The following KCNQ1 variants were observed in gnomAD, a reference collection of about 807,000 sequenced individuals.
KCNQ1 encodes the protein potassium voltage-gated channel subfamily KQT member 1.
A neutral mutation model predicts 72.4 loss-of-function variants in KCNQ1; 49 were observed. That is an observed-to-expected ratio of 0.68 (90% confidence interval 0.54 to 0.86). The LOEUF (loss-of-function observed/expected upper bound fraction) is 0.86, where lower values mean the gene tolerates loss of function less well. Among genes scored for constraint, KCNQ1 ranks in the 40% least tolerant of loss-of-function variants. KCNQ1 has a pLI of 0.00. For synonymous variants in KCNQ1, 450 were observed against 412.6 expected (o/e 1.09, Z -1.10); for missense variants, 790 against 945.1 (o/e 0.84, Z 2.15).
rs1172955374 is a variant in KCNQ1, at chr11:2,814,264, AGGATGGATGGATGGTGGGAT to A, written c.1795-33488_1795-33469del. Among the ~76,000 whole-genome samples the A allele has an allele frequency of 1.9e-4, 29 of 150,436 alleles. No individual in the cohort carries two copies. The East Asian group carries it at 5.9e-3, about 31-fold the overall frequency. On this transcript the variant is annotated intron_variant, in intron 15 of 15. Transcript: ENST00000155840. ...GATAGAGGGAAGGAGGGCTGAATAAAGGATGGATGGATGGTGGGATGGATGGATGGATGGATGGATAGATG... is the reference window on the plus strand; with the variant it reads ...GATAGAGGGAAGGAGGGCTGAATAAAGGATGGATGGATGGATGGATAGATG...
At chr11:2,688,270 C>T (rs1850526363) in intron 11 of KCNQ1, 1 of 398,730 alleles carries the variant, frequency 2.5e-6, no homozygotes, top group East Asian at 3.6e-5. Flanking sequence ...GGCGCCATGA[C>T]CTCTGTTTAG....
rs1410195306 is a variant in KCNQ1, at chr11:2,670,694, G to A, written c.1514+8613G>A. ...GGCAGTGTAGCAGTAACAAGACAAA[G>A]GGATTCTGTGGCCCATGGAGCAGGA... On this transcript the variant is annotated intron_variant, in intron 11 of 15. Coordinates refer to ENST00000155840, the MANE Select transcript of KCNQ1 (RefSeq NM_000218.3). This position sits in a 1 kb window ranked among gnomAD's most constrained non-coding sequence, Gnocchi z 4.9. 4 of 398,540 alleles carry A rather than the reference G, an allele frequency of 1.0e-5. No individual in the cohort carries two copies. Among genetic ancestry groups the A allele is most frequent in the African/African-American group, 8.2e-5 (4 of 48,620 alleles). 24.7% of individuals were successfully genotyped at this position (398,540 alleles called of 1,614,324 possible).
At position 2,579,043 on chromosome 11, in the gene KCNQ1, G is replaced by A. The variant is rs907588992; in HGVS notation, c.922-4392G>A. On this transcript the variant is annotated intron_variant, in intron 6 of 15. Coordinates refer to ENST00000155840, the MANE Select transcript of KCNQ1 (RefSeq NM_000218.3). This position sits in a 1 kb window ranked among gnomAD's most constrained non-coding sequence, Gnocchi z 6.0. ...TGACCACCCCTTCCTCTGGACAGACGACCACCACATCTCCAGCCAGGACCA... is the reference window on the plus strand; with the variant it reads ...TGACCACCCCTTCCTCTGGACAGACAACCACCACATCTCCAGCCAGGACCA... 2.6e-5 allele frequency among the ~76,000 whole-genome samples: 4 copies of A among 152,036 alleles called. No homozygotes were observed. The highest frequency in any genetic ancestry group is 1.3e-4 in the Admixed American group (2 of 15,274).
At chr11:2,793,173 C>T (rs1036678090) in intron 15 of KCNQ1, among the ~76,000 whole-genome samples, 2 of 152,226 alleles carry the variant, frequency 1.3e-5, no homozygotes, top group African/African-American at 4.8e-5. Context: ...TCAGGCAGGG[C>T]CCGCCTGGGT....
rs1453404416 is a variant in KCNQ1, at chr11:2,471,750, G to A, written c.386+26266G>A. On this transcript the variant is annotated intron_variant, in intron 1 of 15. Coordinates refer to ENST00000155840, the MANE Select transcript of KCNQ1 (RefSeq NM_000218.3). The surrounding 1 kb of genome is among the most constrained non-coding windows in gnomAD (Gnocchi z 4.8). ...GGCGTGTGTATGTGTGCATGGGCGT[G>A]TGTGTACTTGTGTATGGGTGTGTGC... 6.6e-6 allele frequency among the ~76,000 whole-genome samples: 1 copy of A among 150,640 alleles called. No individual in the cohort carries two copies. Among genetic ancestry groups the A allele is most frequent in the Non-Finnish European group, 1.5e-5 (1 of 67,952 alleles).
intron 10 of KCNQ1, chr11:2,618,097 A>G: frequency 2.5e-6 from 1 of 398,532 alleles, no homozygotes; most frequent in Non-Finnish European, 4.4e-6. Context: ...CCAAAAAATC[A>G]CTGCCAGAGC....
chr11:2,616,211 TTTC>T (rs893434478), intron 10 of KCNQ1: 22 of 397,558 alleles, frequency 5.5e-5, no homozygotes, highest in Non-Finnish European at 9.3e-5. Flanking sequence ...TTTGTTTTTT[TTTC>T]TTATTTTTGT....
chr11:2,800,596 G>T (rs1847243144), intron 15 of KCNQ1, among the ~76,000 whole-genome samples: 1 of 152,242 alleles, frequency 6.6e-6, no homozygotes, highest in African/African-American at 2.4e-5. Context: ...CAGAACCGGG[G>T]GCCAGAGCAG....
rs1173276991 is a variant in KCNQ1, at chr11:2,703,046, C to T, written c.1514+40965C>T. Reference sequence around the variant, plus strand: ...TTGTCTCGTCGGGCGACAAGAGACACGTGGGAATTGGCTAGAGAAGCATGT... The same window carrying T: ...TTGTCTCGTCGGGCGACAAGAGACATGTGGGAATTGGCTAGAGAAGCATGT... On this transcript the variant is annotated intron_variant, in intron 11 of 15. Transcript: ENST00000155840. This position sits in a 1 kb window ranked among gnomAD's most constrained non-coding sequence, Gnocchi z 6.4. 3.9e-5 allele frequency among the ~76,000 whole-genome samples: 6 copies of T among 152,218 alleles called. No homozygotes were observed. The Middle Eastern group carries it at 0.01, about 259-fold the overall frequency.
intron 15 of KCNQ1, among the ~76,000 whole-genome samples, chr11:2,839,317 C>G (rs946345935): frequency 5.3e-5 from 8 of 152,230 alleles, no homozygotes; most frequent in African/African-American, 1.9e-4. Flanking sequence ...CCCCCTGGCT[C>G]TGCCACTGAC....
At chr11:2,801,649 T>C (rs752457900) in intron 15 of KCNQ1, among the ~76,000 whole-genome samples, 3 of 152,190 alleles carry the variant, frequency 2.0e-5, no homozygotes, top group Non-Finnish European at 4.4e-5. Context: ...CACAGTCACA[T>C]TGGGGATTAG....
At chr11:2,610,010 ATATTATTATTGATAT>A (rs1848952897) in intron 10 of KCNQ1, 1 of 397,806 alleles carries the variant, frequency 2.5e-6, no homozygotes, top group Non-Finnish European at 4.4e-6. Context: ...TTCACATTTA[ATATTATTATTGATAT>A]AATTAGATTT....
At chr11:2,635,105 CA>C (rs1849437681) in intron 10 of KCNQ1, 2 of 152,104 alleles carry the variant, frequency 1.3e-5, no homozygotes, top group Admixed American at 1.3e-4. Flanking sequence ...GAGTAGATTG[CA>C]AAAAATTTCT....
At chr11:2,791,158 CAG>C (rs930088407) in intron 15 of KCNQ1, among the ~76,000 whole-genome samples, 7 of 152,236 alleles carry the variant, frequency 4.6e-5, no homozygotes, top group Non-Finnish European at 7.3e-5. Context: ...GCAACTGCTT[CAG>C]AGAGAGGCTG....
At position 2,817,462 on chromosome 11, in the gene KCNQ1, C is replaced by T. The variant is rs1335279996; in HGVS notation, c.1795-30305C>T. 6.6e-6 allele frequency among the ~76,000 whole-genome samples: 1 copy of T among 152,108 alleles called. No individual in the cohort carries two copies. The highest frequency in any genetic ancestry group is 2.4e-5 in the African/African-American group (1 of 41,406). On this transcript the variant is annotated intron_variant, in intron 15 of 15. Transcript: ENST00000155840. The surrounding 1 kb of genome is among the most constrained non-coding windows in gnomAD (Gnocchi z 6.1). ...CTGACCCCAGTCGTGGCAGCCACCCCAGCAGTCAGGGAAGGACCTGCTGGG... is the reference window on the plus strand; with the variant it reads ...CTGACCCCAGTCGTGGCAGCCACCCTAGCAGTCAGGGAAGGACCTGCTGGG...
At chr11:2,452,435 G>A (rs1027304419) in intron 1 of KCNQ1, among the ~76,000 whole-genome samples, 2 of 152,178 alleles carry the variant, frequency 1.3e-5, no homozygotes, top group African/African-American at 2.4e-5. Flanking sequence ...AGAGCAGCCC[G>A]GGCAGCTTAG....
At chr11:2,732,188 T>C (rs1845869270) in intron 11 of KCNQ1, among the ~76,000 whole-genome samples, 1 of 152,238 alleles carries the variant, frequency 6.6e-6, no homozygotes, top group Admixed American at 6.5e-5. Context: ...GCCTTCTGTT[T>C]GGTGGGTGAG....
In KCNQ1 at chr11:2,483,703, C is replaced by T. The variant is rs1003516552; in HGVS notation, c.386+38219C>T. On this transcript the variant is annotated intron_variant, in intron 1 of 15. Coordinates refer to ENST00000155840, the MANE Select transcript of KCNQ1 (RefSeq NM_000218.3). This position sits in a 1 kb window ranked among gnomAD's most constrained non-coding sequence, Gnocchi z 6.1. ...TTGTGCATTTTTGGCAAGAACACCG[C>T]GGGAGTGTTGTTGGGTCCCGAGGAG... 6.6e-6 allele frequency among the ~76,000 whole-genome samples: 1 copy of T among 152,124 alleles called. No homozygotes were observed. The highest frequency in any genetic ancestry group is 1.5e-5 in the Non-Finnish European group (1 of 68,022).
In KCNQ1 at chr11:2,695,540, C is replaced by G. The variant is rs1284817542; in HGVS notation, c.1514+33459C>G. 2.5e-6 allele frequency: 1 copy of G among 398,682 alleles called. No individual in the cohort carries two copies. The highest frequency in any genetic ancestry group is 4.4e-6 in the Non-Finnish European group (1 of 226,120). 24.7% of individuals were successfully genotyped at this position (398,682 alleles called of 1,614,324 possible). ...CAGTGACCAGCTCCAACTGCCCACC[C>G]CTATGGGCCATGCTGCCCTGAGCAT... On this transcript the variant is annotated intron_variant, in intron 11 of 15. Transcript: ENST00000155840. This position sits in a 1 kb window ranked among gnomAD's most constrained non-coding sequence, Gnocchi z 5.2.
Sources: gnomAD v4.1 joint callset for allele counts (sites outside exome capture counted in the v4.1 genomes callset) on GRCh38, gnomAD v4.1.1 for gene constraint, Gnocchi (gnomAD v3.1) non-coding constraint, MANE v1.5 for transcripts, NCBI Gene and HGNC (gene_info 2026-07-23, HGNC 2026-07-21) for gene names.